Variants in MTTP observed in about 807,000 individuals in gnomAD.
MTTP encodes the protein microsomal triglyceride transfer protein large subunit.
In MTTP, 49 loss-of-function variants were observed where a neutral mutation model predicts 90.6. The ratio of observed to expected loss-of-function variants is 0.54; its 90% CI spans 0.43 to 0.69. The LOEUF is 0.69. Ranked by LOEUF, MTTP falls within the 30% of genes least tolerant of loss-of-function variation. The pLI is 0.00. For missense variants in MTTP, 945 were observed against 1,067.5 expected, an observed-to-expected ratio of 0.89 and a Z score of 1.60; for synonymous variants, 347 against 384.2, an observed-to-expected ratio of 0.90 and a Z score of 1.13.
chr4:99,590,566 C>A (rs913235413), intron 4 of MTTP, among the ~76,000 whole-genome samples: 1 of 152,106 alleles, frequency 6.6e-6, no homozygotes, highest in African/African-American at 2.4e-5. Flanking sequence ...AGACTGAATT[C>A]AACCAGCCCA....
Position 99,621,421 on chromosome 4 carries a change from A to G in MTTP, c.2513+190A>G, listed in dbSNP as rs574470118. ...AAGTCAGTTTCTGGGATACCAAAAA[A>G]AAATCTAATGACTAGTTCATTTGAT... On this transcript the variant is annotated intron_variant, in intron 17 of 17. Transcript: ENST00000265517. Among the ~76,000 whole-genome samples, 10,632 of 152,266 alleles carry G rather than the reference A, an allele frequency of 0.07. 603 individuals are homozygous for G. Among genetic ancestry groups the G allele is most frequent in the African/African-American group, 0.15 (6,327 of 41,534 alleles).
At position 99,601,524 on chromosome 4, in the gene MTTP, ATG is replaced by A. The variant is rs1051758942; in HGVS notation, c.1237-79_1237-78del. On this transcript the variant is annotated intron_variant, in intron 9 of 17. Coordinates refer to ENST00000265517, the MANE Select transcript of MTTP (RefSeq NM_001386140.1). Reference sequence around the variant, plus strand: ...GAAACATAAAAATACTTTACCAAGTATGTGTTTATTTTTTAACTAAAAGTGTT... The same window carrying A: ...GAAACATAAAAATACTTTACCAAGTATGTTTATTTTTTAACTAAAAGTGTT... The A allele has an allele frequency of 4.4e-5, 46 of 1,055,886 alleles. No homozygotes were observed. The Admixed American group carries it at 6.9e-4, about 16-fold the overall frequency. The allele number at this position is 1,055,886 out of a possible 1,614,324, so 65.4% of individuals were successfully genotyped here.
chr4:99,583,626 G>T lies in MTTP; in HGVS notation c.393+109G>T, dbSNP rs780314834. The T allele has an allele frequency of 3.6e-4, 474 of 1,332,914 alleles. 2 individuals are homozygous for T. The highest frequency in any genetic ancestry group is 4.0e-4 in the Non-Finnish European group (370 of 931,496). 82.6% of individuals were successfully genotyped at this position (1,332,914 alleles called of 1,614,324 possible). ...CATTGTAACTACTTTTATGGTAAAT[G>T]GAATTTCTTCAAGAACTAAAGAACA... On this transcript the variant is annotated intron_variant, in intron 3 of 17. Coordinates refer to ENST00000265517, the MANE Select transcript of MTTP (RefSeq NM_001386140.1).
chr4:99,594,997 CCA>C, intron 7 of MTTP, 114 bp downstream of exon 7: 1 of 1,279,288 alleles, frequency 7.8e-7, no homozygotes, highest in Non-Finnish European at 1.1e-6. Context: ...CTACCAGCTA[CCA>C]CAGAGTTGTG....
At chr4:99,569,906 C>T (rs1461837240), upstream of MTTP, among the ~76,000 whole-genome samples, 1 of 151,984 alleles carries the variant, frequency 6.6e-6, no homozygotes, top group South Asian at 2.1e-4. Context: ...AAAATGGCTT[C>T]ATGGAATTCT....
intron 3 of MTTP, chr4:99,584,147 TTCTAG>T (rs1725197541): frequency 6.6e-6 from 1 of 152,156 alleles, no homozygotes; most frequent in Non-Finnish European, 1.5e-5. Context: ...TATGGCTTGA[TTCTAG>T]TCAATTGAAA....
intron 5 of MTTP, 51 bp downstream of exon 5, chr4:99,591,402 G>A (rs373770679): frequency 1.5e-6 from 2 of 1,356,016 alleles, no homozygotes; most frequent in African/African-American, 2.9e-5. Context: ...ACATTTTGTA[G>A]AGACTAATTT....
rs371023325 is a variant in MTTP at position 99,613,090 on chromosome 4, G to A, written c.2167G>A (p.Asp723Asn). 20 of 1,613,848 alleles carry A rather than the reference G, an allele frequency of 1.2e-5. No homozygotes were observed. The highest frequency in any genetic ancestry group is 1.0e-4 in the Admixed American group (6 of 59,966). ...LMSKMLSASG[D>N]PISVVKGLIL... ...GTCCAAAATGCTGTCAGCATCTGGCGACCCTATCAGTGTGGTGAAAGGACT... is the reference window on the plus strand; with the variant it reads ...GTCCAAAATGCTGTCAGCATCTGGCAACCCTATCAGTGTGGTGAAAGGACT... Residue 723 changes from aspartate (D) to asparagine (N), a missense_variant, in exon 15 of 18, where the codon GAC becomes AAC. Coordinates refer to ENST00000265517, the MANE Select transcript of MTTP (RefSeq NM_001386140.1).
At position 99,611,337 on chromosome 4, in the gene MTTP, C is replaced by T. The variant is rs531331759; in HGVS notation, c.1873C>T (p.Pro625Ser). ...CAGTTATTGTGTGTCATCAGGTAGT[C>T]CCCGTTCGGCATCTACTTACAGCCT... ...SAYTGYIERS[P>S]RSASTYSLDI... The change falls in exon 14 of 18, where the codon CCC (proline) becomes TCC (serine). Residue 625 changes from proline (P) to serine (S), a missense_variant. Transcript: ENST00000265517. 129 of 1,614,058 alleles carry T rather than the reference C, an allele frequency of 8.0e-5. 3 individuals are homozygous for T. The South Asian group carries it at 1.4e-3, about 17-fold the overall frequency.
intron 2 of MTTP, among the ~76,000 whole-genome samples, chr4:99,582,334 A>G (rs1209639710): frequency 1.3e-5 from 2 of 152,226 alleles, no homozygotes; most frequent in African/African-American, 4.8e-5. Flanking sequence ...TATGGTGTTC[A>G]ATTCTATAGA....
At chr4:99,605,310 T>C (rs1725787570) in intron 10 of MTTP, among the ~76,000 whole-genome samples, 1 of 152,184 alleles carries the variant, frequency 6.6e-6, no homozygotes. Context: ...TTTACATACT[T>C]TTTTGCACAA....
At chr4:99,589,289 A>C (rs559622595) in intron 3 of MTTP, among the ~76,000 whole-genome samples, 2 of 151,600 alleles carry the variant, frequency 1.3e-5, no homozygotes, top group South Asian at 4.2e-4. Flanking sequence ...TTTTGTTTCA[A>C]GTACAGTTAC....
At chr4:99,569,079 A>G (rs1724775194) in intron 1 of MTTP, among the ~76,000 whole-genome samples, 1 of 152,192 alleles carries the variant, frequency 6.6e-6, no homozygotes, top group Admixed American at 6.5e-5. Context: ...CAATGGAGAA[A>G]TCTGACAACA....
intron 15 of MTTP, among the ~76,000 whole-genome samples, chr4:99,617,939 A>G (rs917727925): frequency 6.6e-6 from 1 of 152,170 alleles, no homozygotes; most frequent in African/African-American, 2.4e-5. Context: ...TTCGTTTTCT[A>G]GTTGGATGTA....
Position 99,611,328 on chromosome 4 carries a change from T to C in MTTP, c.1868-4T>C. ...ATTAAATTACAGTTATTGTGTGTCATCAGGTAGTCCCCGTTCGGCATCTAC... is the reference window on the plus strand; with the variant it reads ...ATTAAATTACAGTTATTGTGTGTCACCAGGTAGTCCCCGTTCGGCATCTAC... On this transcript the variant is annotated splice_region_variant and splice_polypyrimidine_tract_variant and intron_variant, in intron 13 of 17. Coordinates refer to ENST00000265517, the MANE Select transcript of MTTP (RefSeq NM_001386140.1). 3 of 1,614,102 alleles carry C rather than the reference T, an allele frequency of 1.9e-6. No homozygotes were observed. Among genetic ancestry groups the C allele is most frequent in the Admixed American group, 3.3e-5 (2 of 60,010 alleles).
chr4:99,572,440 C>T (rs778074725), upstream of MTTP, among the ~76,000 whole-genome samples: 25 of 151,836 alleles, frequency 1.6e-4, no homozygotes, highest in African/African-American at 4.6e-4. Flanking sequence ...TCACTCCCCA[C>T]CTGTAATTTT....
At chr4:99,595,991 G>A (rs2110221422) in intron 7 of MTTP, among the ~76,000 whole-genome samples, 1 of 151,164 alleles carries the variant, frequency 6.6e-6, no homozygotes, top group Non-Finnish European at 1.5e-5. Flanking sequence ...TCCAAATTTG[G>A]AATTCCAAAT....
At chr4:99,589,620 T>G (rs1355577347) in intron 3 of MTTP, 23 bp from the exon 4 acceptor site, 1 of 1,391,806 alleles carries the variant, frequency 7.2e-7, no homozygotes, top group African/African-American at 1.4e-5. Context: ...TTCATTTGTG[T>G]TCTGTTCCCC....
chr4:99,603,228 T>G (rs1369465926), intron 10 of MTTP, among the ~76,000 whole-genome samples: 1 of 151,980 alleles, frequency 6.6e-6, no homozygotes, highest in Non-Finnish European at 1.5e-5. Flanking sequence ...GGCAGATAAG[T>G]GACAGTGGAG....
Sources: gnomAD v4.1 joint callset for allele counts (sites outside exome capture counted in the v4.1 genomes callset) on GRCh38, gnomAD v4.1.1 for gene constraint, MANE v1.5 for transcripts, NCBI Gene and HGNC (gene_info 2026-07-23, HGNC 2026-07-21) for gene names.